Variants in CHTF18 observed in about 807,000 individuals in gnomAD.
CHTF18 encodes chromosome transmission fidelity protein 18 homolog.
A neutral mutation model predicts 113.4 loss-of-function variants in CHTF18; 151 were observed. That is an observed-to-expected ratio of 1.33 (90% CI 1.17 to 1.52). The LOEUF is 1.52. CHTF18 is among the 40% of genes most tolerant of loss of function. The pLI, the probability that CHTF18 is intolerant of heterozygous loss-of-function variation, is 0.00. For synonymous variants in CHTF18, 916 were observed against 598.8 expected, an observed-to-expected ratio of 1.53 and a Z score of -7.74; for missense variants, 1,982 against 1,381.6, an observed-to-expected ratio of 1.43 and a Z score of -6.89.
intron 15 of CHTF18, chr16:794,847 GGGTC>G (rs2042293903): frequency 2.1e-6 from 1 of 466,958 alleles, no homozygotes; most frequent in Admixed American, 3.9e-5. Context: ...GCCTCCTGGT[GGGTC>G]ACCCCCTCGT....
intron 17 of CHTF18, 24 bp downstream of exon 17, chr16:795,858 G>C: frequency 6.2e-7 from 1 of 1,607,304 alleles, no homozygotes; most frequent in Admixed American, 1.7e-5. Context: ...CCGGGGTGGG[G>C]GATTCCCCGC....
At chr16:792,052 G>T in intron 9 of CHTF18, 104 bp downstream of exon 9, 2 of 1,544,782 alleles carry the variant, frequency 1.3e-6, no homozygotes, top group Non-Finnish European at 1.7e-6. Context: ...CTTGAGGGTG[G>T]TGGGGGCCTG....
chr16:794,613 C>T (rs1032512680), intron 15 of CHTF18: 10 of 246,376 alleles, frequency 4.1e-5, no homozygotes, highest in Non-Finnish European at 7.9e-5. Flanking sequence ...CCCGCCTAAG[C>T]TGTCTGCTGA....
chr16:795,178 T>G lies in CHTF18; in HGVS notation c.1997T>G (p.Leu666Arg). 3 of 1,558,274 alleles carry G rather than the reference T, an allele frequency of 1.9e-6. No individual in the cohort carries two copies. Among genetic ancestry groups the G allele is most frequent in the Non-Finnish European group, 1.7e-6 (2 of 1,151,304 alleles). ...CGTCTGCGGCTGCGAGACTCCAGCCTGGGTGCTGTGTGTGTGGCCCTCGAC... is the reference window on the plus strand; with the variant it reads ...CGTCTGCGGCTGCGAGACTCCAGCCGGGGTGCTGTGTGTGTGGCCCTCGAC... ...FLRLRLRDSS[L>R]GAVCVALDWL... is the part of the protein sequence containing the mutation. Residue 666 changes from leucine to arginine, a missense_variant, in exon 16 of 22, where the codon CTG becomes CGG. By Grantham distance (102) the Leu-to-Arg change is moderately radical (BLOSUM62 -2). Coordinates refer to ENST00000262315, the MANE Select transcript of CHTF18 (RefSeq NM_022092.3).
chr16:790,452 C>T lies in CHTF18; in HGVS notation c.752+53C>T, dbSNP rs769250285. 12 of 1,610,066 alleles carry T rather than the reference C, an allele frequency of 7.5e-6. 1 individual carries two copies. The South Asian group carries it at 7.7e-5, about 10-fold the overall frequency. ...GGACCCTTGTTGGCTCTTGCACCAA[C>T]TCCTAGCTCCTAGCGTGTGGGTTGG... On this transcript the variant is annotated intron_variant, in intron 6 of 21. Transcript: ENST00000262315.
Position 789,267 on chromosome 16 carries a change from A to G in CHTF18, c.344A>G (p.Glu115Gly). The change falls in exon 3 of 22, where the codon GAG (glutamate) becomes GGG (glycine). Residue 115 changes from glutamate to glycine, a missense_variant. Glu to Gly is a moderately conservative substitution (Grantham distance 98, BLOSUM62 -2). Coordinates refer to ENST00000262315, the MANE Select transcript of CHTF18 (RefSeq NM_022092.3). ...QVVKRLNFRS[E>G]EMEEPPPPDS... is the part of the protein sequence containing the mutation. The stretch of plus-strand genomic sequence containing the variant: ...GTCAAGAGGCTGAACTTCAGATCGG[A>G]GGAGATGGAGGAGCCGCCCCCTCCC... 2.6e-6 allele frequency: 4 copies of G among 1,567,262 alleles called. No individual in the cohort carries two copies. The highest frequency in any genetic ancestry group is 1.7e-4 in the Middle Eastern group (1 of 5,870).
intron 7 of CHTF18, 67 bp downstream of exon 7, chr16:790,733 C>T (rs548890416): frequency 5.9e-5 from 86 of 1,462,196 alleles, no homozygotes; most frequent in African/African-American, 1.6e-4. Context: ...AACCTGGGCC[C>T]AGTGATTTTT....
Position 796,035 on chromosome 16 carries a change from A to G in CHTF18, c.2414A>G (p.Gln805Arg), listed in dbSNP as rs2042336241. Reference sequence around the variant, plus strand: ...CTCGCTTACAGCCTGACCTACCGCCAGGAGCGCACGCCCGATGGCCAGTAC... The same window carrying G: ...CTCGCTTACAGCCTGACCTACCGCCGGGAGCGCACGCCCGATGGCCAGTAC... ...TMLAYSLTYR[Q>R]ERTPDGQYIY... The change falls in exon 18 of 22, where the codon CAG (glutamine) becomes CGG (arginine). Residue 805 changes from glutamine (Q) to arginine (R), a missense_variant. Gln to Arg is a conservative substitution (Grantham distance 43). Transcript: ENST00000262315. 24 of 1,605,830 alleles carry G rather than the reference A, an allele frequency of 1.5e-5. No individual in the cohort carries two copies. The highest frequency in any genetic ancestry group is 2.0e-5 in the Non-Finnish European group (24 of 1,176,932).
At position 789,526 on chromosome 16, in the gene CHTF18, T is replaced by C. The variant is rs748089452; in HGVS notation, c.438-21T>C. ...GACCCCACGCTTGAGTTTCTGCCAC[T>C]GAGCCCCGGTCTCTCTCCAGAGTCT... On this transcript the variant is annotated intron_variant, in intron 3 of 21. Transcript: ENST00000262315. 1.9e-6 allele frequency: 3 copies of C among 1,577,520 alleles called. No individual in the cohort carries two copies. In the Admixed American group the frequency reaches 5.3e-5, roughly 28 times the overall value.
At position 792,477 on chromosome 16, in the gene CHTF18, G is replaced by A. The variant is rs751521292; in HGVS notation, c.1365G>A (p.Lys455=). 2.9e-5 allele frequency: 46 copies of A among 1,585,286 alleles called. No individual in the cohort carries two copies. The highest frequency in any genetic ancestry group is 1.7e-4 in the Middle Eastern group (1 of 6,048). The change falls in exon 11 of 22, where the codon AAG becomes AAA. Residue 455 remains lysine, a synonymous_variant. Transcript: ENST00000262315. ...INVLLSILNR[K]GPQEVGPQGP... is the part of the protein sequence containing the mutation. ...TCCTCCTGAGCATCCTGAACCGCAAGGGGCCACAGGAGGTGGGGCCACAGG... is the reference window on the plus strand; with the variant it reads ...TCCTCCTGAGCATCCTGAACCGCAAAGGGCCACAGGAGGTGGGGCCACAGG...
At chr16:790,456 T>G (rs1361102951) in intron 6 of CHTF18, 57 bp downstream of exon 6, 6 of 1,610,318 alleles carry the variant, frequency 3.7e-6, no homozygotes, top group Non-Finnish European at 5.1e-6. Context: ...CACCAACTCC[T>G]AGCTCCTAGC....
rs115854143 is a variant in CHTF18 at position 793,961 on chromosome 16, G to T, written c.1803-93G>T. 1.5e-3 allele frequency: 2,099 copies of T among 1,418,010 alleles called. 19 individuals are homozygous for T. The African/African-American group carries it at 0.026, about 17-fold the overall frequency. The allele number at this position is 1,418,010 out of a possible 1,614,324, so 87.8% of individuals were successfully genotyped here. ...GCTGAGAAGAATGAAGTGGGTGGCA[G>T]CTCTGATGGGGCCTCTGAGTGTCCC... On this transcript the variant is annotated intron_variant, in intron 14 of 21. Transcript: ENST00000262315.
chr16:791,699 G>C (rs1051077348), intron 8 of CHTF18, 152 bp from the exon 9 acceptor site: 2 of 1,433,594 alleles, frequency 1.4e-6, no homozygotes, highest in Non-Finnish European at 1.8e-6. Context: ...ATCTTGGTGT[G>C]TGAAAGTGCT....
At chr16:792,851 T>C in intron 12 of CHTF18, 40 bp downstream of exon 12, 8 of 1,532,888 alleles carry the variant, frequency 5.2e-6, no homozygotes, top group South Asian at 3.6e-5. Flanking sequence ...GATGGCGGGG[T>C]TGGGGGCGTG....
chr16:790,155 A>C (rs1485559946), intron 4 of CHTF18, 22 bp from the exon 5 acceptor site: 1 of 1,575,128 alleles, frequency 6.3e-7, no homozygotes, highest in Non-Finnish European at 8.6e-7. Context: ...GCCCAGAGGC[A>C]ATTGTCCTCC....
rs957454835 is a variant in CHTF18, at chr16:791,862, C to T, written c.1116C>T (p.Leu372=). 19 of 1,605,820 alleles carry T rather than the reference C, an allele frequency of 1.2e-5. No homozygotes were observed. The Admixed American group carries it at 2.4e-4, about 20-fold the overall frequency. The part of the protein sequence containing the change: ...SQRPKQKVAL[L]CGPPGLGKTT... Reference sequence around the variant, plus strand: ...TACCTGGGCTGCAGGTGGCACTGCTCTGTGGGCCCCCGGGGCTGGGGAAGA... The same window carrying T: ...TACCTGGGCTGCAGGTGGCACTGCTTTGTGGGCCCCCGGGGCTGGGGAAGA... The change falls in exon 9 of 22, where the codon CTC becomes CTT. Residue 372 remains leucine (L), a synonymous_variant. Transcript: ENST00000262315.
intron 1 of CHTF18, 44 bp from the exon 2 acceptor site, chr16:788,887 T>C: frequency 6.6e-7 from 1 of 1,504,384 alleles, no homozygotes; most frequent in Non-Finnish European, 8.8e-7. Flanking sequence ...GCTGGCGGGA[T>C]CTGCTGTCTC....
Position 791,845 on chromosome 16 carries a change from C to T in CHTF18, c.1105-6C>T, listed in dbSNP as rs2042205055. ...CACACTACGCCTTCATCTACCTGGG[C>T]TGCAGGTGGCACTGCTCTGTGGGCC... On this transcript the variant is annotated splice_region_variant and splice_polypyrimidine_tract_variant and intron_variant, in intron 8 of 21. Coordinates refer to ENST00000262315, the MANE Select transcript of CHTF18 (RefSeq NM_022092.3). 3 of 1,599,574 alleles carry T rather than the reference C, an allele frequency of 1.9e-6. No individual in the cohort carries two copies. Among genetic ancestry groups the T allele is most frequent in the Non-Finnish European group, 2.6e-6 (3 of 1,174,232 alleles).
At chr16:793,774 C>A in intron 14 of CHTF18, 2 of 668,800 alleles carry the variant, frequency 3.0e-6, no homozygotes, top group African/African-American at 1.8e-5. Flanking sequence ...CTGCTCCTGG[C>A]CTGGACCCGG....
Sources: allele counts gnomAD v4.1 joint callset, GRCh38; gene constraint gnomAD v4.1.1; transcripts MANE v1.5; gene names NCBI Gene and HGNC (gene_info 2026-07-23, HGNC 2026-07-21).